Variants in KMT2C observed in about 807,000 individuals in gnomAD.
KMT2C encodes lysine methyltransferase 2C.
KMT2C carries 88 observed loss-of-function variants against 507.9 expected under a neutral mutation model. The ratio of observed to expected loss-of-function variants is 0.17; its 90% confidence interval spans 0.15 to 0.21. The LOEUF (loss-of-function observed/expected upper bound fraction) is 0.21. Ranked by LOEUF, KMT2C falls within the 10% of genes least tolerant of loss-of-function variation. The probability of loss-of-function intolerance (pLI) is 1.00; values close to 1 mark genes in which losing one functional copy is unlikely to be tolerated. For synonymous variants in KMT2C, 2,049 were observed against 2,080.8 expected (o/e 0.98, Z 0.42); for missense variants, 4,954 against 5,957.8 (o/e 0.83, Z 5.55).
rs1385213843 is a variant in KMT2C at position 152,207,341 on chromosome 7, G to T, written c.3800C>A (p.Thr1267Lys). 6.2e-7 allele frequency: 1 copy of T among 1,609,924 alleles called. No homozygotes were observed. The highest frequency in any genetic ancestry group is 1.7e-5 in the Admixed American group (1 of 59,224). Residue 1267 changes from threonine (T) to lysine (K), a missense_variant, in exon 24 of 59, where the codon ACA becomes AAA. Thr to Lys is a moderately conservative substitution (Grantham distance 78, BLOSUM62 -1). Around this residue, in one of 29 missense-constraint regions of KMT2C, gnomAD observed 176 missense variants for 262.0 expected, o/e 0.67. Transcript: ENST00000262189. ...VDDETKGVEG[T>K]DGVKKRKRKP... ...CCTTTTTCTCTTTTTGACACCATCTGTTCCTTCCACTCCCTTAGTTTCATC... is the reference window on the plus strand; with the variant it reads ...CCTTTTTCTCTTTTTGACACCATCTTTTCCTTCCACTCCCTTAGTTTCATC...
intron 9 of KMT2C, among the ~76,000 whole-genome samples, chr7:152,260,551 GA>G (rs1163076121): frequency 1.3e-5 from 2 of 151,502 alleles, no homozygotes; most frequent in African/African-American, 4.8e-5. Flanking sequence ...CTTTCAGGAA[GA>G]AAAAAAGGAT....
In KMT2C at chr7:152,135,034, C is replaced by T. The variant is rs1317575793; in HGVS notation, c.*1798G>A. 4.4e-6 allele frequency: 1 copy of T among 229,068 alleles called. No homozygotes were observed. The highest frequency in any genetic ancestry group is 8.7e-6 in the Non-Finnish European group (1 of 115,216). The allele number at this position is 229,068 out of a possible 1,614,324, so 14.2% of individuals were successfully genotyped here. A position where few individuals can be genotyped will look rare whatever the true frequency, so the allele number is the denominator to read the frequency against. ...CTTCAAAAAATTCAATTTTTGCCAA[C>T]ATTAGATACTATTATACAGAACAGA... On this transcript the variant is annotated 3_prime_UTR_variant, in exon 59 of 59. Transcript: ENST00000262189.
At chr7:152,232,164 C>T (rs1364062605) in intron 16 of KMT2C, among the ~76,000 whole-genome samples, 1 of 152,194 alleles carries the variant, frequency 6.6e-6, no homozygotes, top group African/African-American at 2.4e-5. Flanking sequence ...CAGGCATGAG[C>T]CACCGCACCC....
chr7:152,306,917 G>C (rs112580705), intron 6 of KMT2C, among the ~76,000 whole-genome samples: 5 of 152,278 alleles, frequency 3.3e-5, no homozygotes, highest in African/African-American at 7.2e-5. Context: ...CCAGTACTTC[G>C]GGAGGATGAG....
rs188368429 is a variant in KMT2C at position 152,155,849 on chromosome 7, C to T, written c.11960+61G>A. Reference sequence around the variant, plus strand: ...CTAAAGACATTATGCCACATACATACATTTATTTTTTTTAAAAGAAGAAAT... The same window carrying T: ...CTAAAGACATTATGCCACATACATATATTTATTTTTTTTAAAAGAAGAAAT... On this transcript the variant is annotated intron_variant, in intron 46 of 58. Coordinates refer to ENST00000262189, the MANE Select transcript of KMT2C (RefSeq NM_170606.3). The T allele has an allele frequency of 1.1e-3, 1,652 of 1,486,710 alleles. 6 individuals carry two copies. The highest frequency in any genetic ancestry group is 1.4e-3 in the Non-Finnish European group (1,544 of 1,100,260). 92.1% of individuals were successfully genotyped at this position (1,486,710 alleles called of 1,614,324 possible). A position where few individuals can be genotyped will look rare whatever the true frequency, so the allele number is the denominator to read the frequency against.
chr7:152,390,250 T>C (rs2097481244), intron 1 of KMT2C, among the ~76,000 whole-genome samples: 1 of 152,302 alleles, frequency 6.6e-6, no homozygotes, highest in African/African-American at 2.4e-5. Context: ...AAAAAAGTAT[T>C]AAATGACATA....
intron 9 of KMT2C, among the ~76,000 whole-genome samples, chr7:152,259,661 G>T (rs1235017266): frequency 6.6e-6 from 1 of 152,120 alleles, no homozygotes; most frequent in Non-Finnish European, 1.5e-5. Flanking sequence ...AGACATTCTT[G>T]AGATAAAAAT....
At chr7:152,421,840 C>T (rs1377514862) in intron 1 of KMT2C, among the ~76,000 whole-genome samples, 1 of 151,914 alleles carries the variant, frequency 6.6e-6, no homozygotes, top group African/African-American at 2.4e-5. Context: ...CAGCGACACG[C>T]AATGTGCCCA....
intron 1 of KMT2C, among the ~76,000 whole-genome samples, chr7:152,429,057 C>T (rs1312758823): frequency 1.3e-5 from 2 of 152,100 alleles, no homozygotes; most frequent in East Asian, 1.9e-4. Flanking sequence ...ATTCACATTG[C>T]TCCCTCACAC....
intron 3 of KMT2C, among the ~76,000 whole-genome samples, chr7:152,325,628 G>A (rs548077193): frequency 6.6e-6 from 1 of 151,510 alleles, no homozygotes; most frequent in African/African-American, 2.4e-5. Context: ...ATTTTTTGTA[G>A]AGACAGGGCT....
chr7:152,173,374 CG>C (rs1336137752), intron 39 of KMT2C, among the ~76,000 whole-genome samples: 1 of 152,148 alleles, frequency 6.6e-6, no homozygotes, highest in Non-Finnish European at 1.5e-5. Flanking sequence ...TAGTAATACA[CG>C]TAAGACTCAT....
At chr7:152,184,346 A>G (rs2093553279) in intron 34 of KMT2C, among the ~76,000 whole-genome samples, 1 of 152,148 alleles carries the variant, frequency 6.6e-6, no homozygotes, top group African/African-American at 2.4e-5. Context: ...AAATAACTAT[A>G]TATATTTTCC....
In KMT2C at chr7:152,220,293, C is replaced by T. The variant is rs2094726021; in HGVS notation, c.3712+230G>A. ...CTGTGATCTTCAAAGATATGGTGCT[C>T]CTTGAGATTTCTGTAAGGTAGGTCT... On this transcript the variant is annotated intron_variant, in intron 23 of 58. Transcript: ENST00000262189. 1.1e-5 allele frequency: 6 copies of T among 523,466 alleles called. No homozygotes were observed. In the East Asian group the frequency reaches 1.6e-4, roughly 14 times the overall value. 32.4% of individuals were successfully genotyped at this position (523,466 alleles called of 1,614,324 possible). A position where few individuals can be genotyped will look rare whatever the true frequency, so the allele number is the denominator to read the frequency against.
At chr7:152,170,264 T>G (rs2092903701) in intron 40 of KMT2C, among the ~76,000 whole-genome samples, 1 of 151,864 alleles carries the variant, frequency 6.6e-6, no homozygotes, top group South Asian at 2.1e-4. Flanking sequence ...CTTTTAATAA[T>G]GAGAAGAATA....
intron 2 of KMT2C, among the ~76,000 whole-genome samples, chr7:152,344,506 G>T (rs2097032597): frequency 6.6e-6 from 1 of 152,094 alleles, no homozygotes; most frequent in East Asian, 1.9e-4. Context: ...TTAACTGGAG[G>T]TAACCAAAAC....
At chr7:152,408,165 G>T (rs1275573871) in intron 1 of KMT2C, among the ~76,000 whole-genome samples, 1 of 152,160 alleles carries the variant, frequency 6.6e-6, no homozygotes, top group Admixed American at 6.5e-5. Context: ...ACGTGTGCCT[G>T]TAATCCCAGC....
At chr7:152,391,760 C>T (rs1007410297) in intron 1 of KMT2C, among the ~76,000 whole-genome samples, 11 of 152,142 alleles carry the variant, frequency 7.2e-5, no homozygotes, top group African/African-American at 2.7e-4. Context: ...TGGTCTCGGC[C>T]TCAGCCTCCC....
chr7:152,363,586 G>C (rs1285681190), intron 1 of KMT2C, among the ~76,000 whole-genome samples: 1 of 152,124 alleles, frequency 6.6e-6, no homozygotes, highest in Non-Finnish European at 1.5e-5. Flanking sequence ...GAAAGAAACA[G>C]GGTGACCCCT....
At chr7:152,416,752 T>TA (rs2097742228) in intron 1 of KMT2C, among the ~76,000 whole-genome samples, 1 of 147,074 alleles carries the variant, frequency 6.8e-6, no homozygotes, top group East Asian at 2.0e-4. Flanking sequence ...CAATGTAATT[T>TA]AAAAAAATAA....
Sources: gnomAD v4.1 joint callset for allele counts (sites outside exome capture counted in the v4.1 genomes callset) on GRCh38, gnomAD v4.1.1 for gene constraint, gnomAD v4.1.1 regional missense constraint, MANE v1.5 for transcripts, NCBI Gene and HGNC (gene_info 2026-07-23, HGNC 2026-07-21) for gene names.